The following GALC variants were observed in gnomAD, a reference collection of about 807,000 sequenced individuals.
GALC encodes galactocerebrosidase.
In GALC, 77 loss-of-function variants were observed where a neutral mutation model predicts 91.8. The ratio of observed to expected loss-of-function variants is 0.84; its 90% CI spans 0.70 to 1.01. GALC has a LOEUF of 1.01. GALC is among the 50% of genes least tolerant of loss of function. GALC has a pLI of 0.00. For synonymous variants in GALC, 357 were observed against 306.7 expected, an observed-to-expected ratio of 1.16 and a Z score of -1.71; for missense variants, 882 against 855.9, an observed-to-expected ratio of 1.03 and a Z score of -0.38.
intron 4 of GALC, 150 bp from the exon 5 acceptor site, chr14:87,984,683 A>T: frequency 1.4e-6 from 1 of 716,498 alleles, no homozygotes; most frequent in East Asian, 2.7e-5. Flanking sequence ...CCATATAAAA[A>T]TTATTGAAAT....
chr14:87,988,490 G>T lies in GALC; in HGVS notation c.229C>A (p.Pro77Thr). ...TAATCCAATATCTGAGAACGATAGG[G>T]CTCTGGGTAATTTACTAGAAGTCGG... ...TSRLLVNYPE[P>T]YRSQILDYLF... The change falls in exon 2 of 17, where the codon CCC becomes ACC. Residue 77 changes from proline to threonine, a missense_variant. Pro to Thr is a conservative substitution (Grantham distance 38). Transcript: ENST00000261304. The T allele has an allele frequency of 6.2e-7, 1 of 1,611,704 alleles. No homozygotes were observed. Among genetic ancestry groups the T allele is most frequent in the Non-Finnish European group, 8.5e-7 (1 of 1,177,958 alleles).
chr14:87,959,873 A>C (rs1166713766), intron 10 of GALC, among the ~76,000 whole-genome samples: 1 of 152,206 alleles, frequency 6.6e-6, no homozygotes, highest in Non-Finnish European at 1.5e-5. Context: ...CAAGATATGG[A>C]ATCAACCTGA....
rs1428571249 is a variant in GALC, at chr14:87,945,559, T to C, written c.1664A>G (p.Tyr555Cys). ...TTGAGAACATCAATCTTACCAGTTG[T>C]AGTCTCCTATAATACTGATTGTGTT... ...ASNTISIIGD[Y>C]NWTNLTIKCD... Residue 555 changes from tyrosine (Y) to cysteine (C), a missense_variant, in exon 14 of 17, where the codon TAC becomes TGC. Tyr to Cys is a radical substitution (Grantham distance 194). Coordinates refer to ENST00000261304, the MANE Select transcript of GALC (RefSeq NM_000153.4). The C allele has an allele frequency of 1.9e-6, 3 of 1,594,090 alleles. No homozygotes were observed. The highest frequency in any genetic ancestry group is 3.3e-5 in the Admixed American group (2 of 59,852).
chr14:87,937,695 A>C (rs1227921555), intron 16 of GALC, among the ~76,000 whole-genome samples: 1 of 151,784 alleles, frequency 6.6e-6, no homozygotes, highest in African/African-American at 2.4e-5. Context: ...GTGAGGCAAG[A>C]TGCCTCACAT....
At chr14:87,967,178 G>A (rs960184384) in intron 8 of GALC, among the ~76,000 whole-genome samples, 1 of 152,122 alleles carries the variant, frequency 6.6e-6, no homozygotes, top group Non-Finnish European at 1.5e-5. Context: ...TCCTAATGTC[G>A]TCTCAAGTGA....
rs917416943 is a variant in GALC, at chr14:87,992,354, G to A, written c.195+616C>T. ...ATGGGCCCAGAGGGAGTACCCGGTAGTTTCAGGCCGCTCGCTTATCTTCCT... is the reference window on the plus strand; with the variant it reads ...ATGGGCCCAGAGGGAGTACCCGGTAATTTCAGGCCGCTCGCTTATCTTCCT... On this transcript the variant is annotated intron_variant, in intron 1 of 16. Transcript: ENST00000261304. 10 of 1,535,602 alleles carry A rather than the reference G, an allele frequency of 6.5e-6. No homozygotes were observed. In the African/African-American group the frequency reaches 1.4e-4, roughly 21 times the overall value.
chr14:87,985,717 T>C (rs1453943926), intron 4 of GALC, among the ~76,000 whole-genome samples: 1 of 152,252 alleles, frequency 6.6e-6, no homozygotes, highest in Non-Finnish European at 1.5e-5. Flanking sequence ...TAACTTAGTT[T>C]GAATTTAAGC....
intron 12 of GALC, 88 bp downstream of exon 12, chr14:87,949,757 T>C: frequency 1.4e-6 from 1 of 730,010 alleles, no homozygotes; most frequent in Non-Finnish European, 2.5e-6. Context: ...CTTATAAAAA[T>C]AAAAATTCTT....
At chr14:87,978,845 A>G (rs1348096054) in intron 6 of GALC, among the ~76,000 whole-genome samples, 2 of 151,850 alleles carry the variant, frequency 1.3e-5, no homozygotes, top group Non-Finnish European at 2.9e-5. Flanking sequence ...AAAAAACTTC[A>G]AAGAAACAAT....
chr14:87,951,913 G>T (rs1417384610), intron 10 of GALC, among the ~76,000 whole-genome samples: 1 of 151,746 alleles, frequency 6.6e-6, no homozygotes, highest in African/African-American at 2.4e-5. Flanking sequence ...TCTGTCTTGA[G>T]ATACTAGAAA....
chr14:87,958,545 A>G (rs995300578), intron 10 of GALC, among the ~76,000 whole-genome samples: 9 of 152,212 alleles, frequency 5.9e-5, no homozygotes, highest in African/African-American at 2.4e-5. Flanking sequence ...TGCAACCCTG[A>G]GCAAAAAGAA....
chr14:87,933,792 A>G lies in GALC; in HGVS notation c.*940T>C. ...CATATTTGGACTTTAAAAAGTAAGT[A>G]CATCTTAGGAGATGATCCAATTCTG... On this transcript the variant is annotated 3_prime_UTR_variant, in exon 17 of 17. Transcript: ENST00000261304. 4 of 521,912 alleles carry G rather than the reference A, an allele frequency of 7.7e-6. No homozygotes were observed. In the Admixed American group the frequency reaches 1.0e-4, roughly 13 times the overall value. The allele number at this position is 521,912 out of a possible 1,614,324, so 32.3% of individuals were successfully genotyped here.
intron 6 of GALC, among the ~76,000 whole-genome samples, chr14:87,978,538 A>C (rs10137195): frequency 0.37 from 55,668 of 152,112 alleles, 10,927 homozygotes; most frequent in East Asian, 0.75. Flanking sequence ...ATAAGTTTCC[A>C]TCCATAAGTC....
chr14:87,952,947 C>A, intron 10 of GALC: 2 of 882,208 alleles, frequency 2.3e-6, no homozygotes, highest in South Asian at 1.3e-5. Flanking sequence ...GCCTAAACAT[C>A]AGTCAGATAT....
At chr14:87,953,786 A>T (rs1235362917) in intron 10 of GALC, 13 of 1,605,892 alleles carry the variant, frequency 8.1e-6, no homozygotes, top group Non-Finnish European at 1.1e-5. Flanking sequence ...AGTCATTAAT[A>T]AAAAACTGTG....
intron 16 of GALC, among the ~76,000 whole-genome samples, chr14:87,937,188 T>A (rs377256114): frequency 5.3e-5 from 8 of 151,898 alleles, no homozygotes; most frequent in African/African-American, 1.4e-4. Context: ...TTTTTTTTAT[T>A]TACGCAAAGA....
intron 10 of GALC, chr14:87,954,027 G>A (rs989233350): frequency 1.4e-5 from 22 of 1,609,818 alleles, no homozygotes; most frequent in Non-Finnish European, 1.8e-5. Context: ...TGTTATTCAT[G>A]AGGACCAATG....
chr14:87,942,001 A>G (rs141753346), intron 14 of GALC, among the ~76,000 whole-genome samples: 1 of 152,100 alleles, frequency 6.6e-6, no homozygotes, highest in African/African-American at 2.4e-5. Context: ...TTGAGAGAAC[A>G]CAAGCTATTC....
At chr14:87,936,366 CCTTT>C (rs1884567276) in intron 16 of GALC, among the ~76,000 whole-genome samples, 1 of 151,940 alleles carries the variant, frequency 6.6e-6, no homozygotes, top group Admixed American at 6.6e-5. Context: ...TGCCAACCGC[CCTTT>C]TTTTAATAAA....
Sources: allele counts gnomAD v4.1 joint callset (sites outside exome capture counted in the v4.1 genomes callset), GRCh38; gene constraint gnomAD v4.1.1; transcripts MANE v1.5; gene names NCBI Gene and HGNC (gene_info 2026-07-23, HGNC 2026-07-21).